GRID2: variants seen among roughly 807,000 people sequenced by gnomAD.
GRID2 encodes the protein glutamate receptor ionotropic, delta-2.
Under a neutral mutation model 114.8 loss-of-function variants are expected in GRID2, and 33 were observed. The ratio of observed to expected loss-of-function variants is 0.29; its 90% CI spans 0.22 to 0.38. The LOEUF (loss-of-function observed/expected upper bound fraction) is 0.38. Ranked by LOEUF, GRID2 falls within the 10% of genes least tolerant of loss-of-function variation. GRID2 has a pLI of 1.00. For synonymous variants in GRID2, 505 were observed against 449.9 expected, an observed-to-expected ratio of 1.12 and a Z score of -1.55; for missense variants, 1,184 against 1,257.7, an observed-to-expected ratio of 0.94 and a Z score of 0.89.
Position 93,455,871 on chromosome 4 carries a change from C to T in GRID2, c.1755C>T (p.Tyr585=). The change falls in exon 11 of 16, where the codon TAC becomes TAT. Residue 585 remains tyrosine, a synonymous_variant. Coordinates refer to ENST00000282020, the MANE Select transcript of GRID2 (RefSeq NM_001510.4). Reference sequence around the variant, plus strand: ...TCCTTCTGGTGGGTCTACTGGTCTACCTCTTGAACTGGCTTAATCCCCCAC... The same window carrying T: ...TCCTTCTGGTGGGTCTACTGGTCTATCTCTTGAACTGGCTTAATCCCCCAC... ...GTVLLVGLLV[Y]LLNWLNPPRL... The T allele has an allele frequency of 6.2e-7, 1 of 1,610,046 alleles. No homozygotes were observed. Among genetic ancestry groups the T allele is most frequent in the African/African-American group, 1.3e-5 (1 of 74,966 alleles).
chr4:93,622,585 G>T (rs1474725728), intron 13 of GRID2, among the ~76,000 whole-genome samples: 2 of 152,038 alleles, frequency 1.3e-5, no homozygotes. Context: ...CCTAAACTAG[G>T]GTCTAGGGTA....
In GRID2 at chr4:93,314,949, G is replaced by C. The variant is rs118169051; in HGVS notation, c.1245+76459G>C. Among the ~76,000 whole-genome samples, 151 of 152,124 alleles carry C rather than the reference G, an allele frequency of 9.9e-4. 2 individuals are homozygous for C. In the East Asian group the frequency reaches 0.02, roughly 20 times the overall value. On this transcript the variant is annotated intron_variant, in intron 8 of 15. Coordinates refer to ENST00000282020, the MANE Select transcript of GRID2 (RefSeq NM_001510.4). ...TTAACAATAGTCACTGTATTAGTCT[G>C]TTTTCTTGCTGCTATAAAAAACTTC...
At chr4:93,048,758 TCTATACTTTTTGTTAAAGGGAAAG>T (rs1490100717) in intron 2 of GRID2, among the ~76,000 whole-genome samples, 1 of 152,062 alleles carries the variant, frequency 6.6e-6, no homozygotes, top group East Asian at 1.9e-4. Context: ...AGACTTAGAC[TCTATACTTTTTGTTAAAGGGAAAG>T]ACAGTAGTTG....
rs113694253 is a variant in GRID2, at chr4:93,428,635, G to T, written c.1545+5667G>T. Among the ~76,000 whole-genome samples, 1,006 of 152,238 alleles carry T rather than the reference G, an allele frequency of 6.6e-3. 10 individuals are homozygous for T. Among genetic ancestry groups the T allele is most frequent in the African/African-American group, 0.023 (955 of 41,548 alleles). On this transcript the variant is annotated intron_variant, in intron 10 of 15. Transcript: ENST00000282020. ...TTTCTATTGTACTTGAATTACAATT[G>T]TGTGAGGGTGGGGCGGAATATAAAT...
At chr4:92,543,202 T>C (rs555609503) in intron 1 of GRID2, among the ~76,000 whole-genome samples, 14 of 152,206 alleles carry the variant, frequency 9.2e-5, no homozygotes, top group African/African-American at 2.6e-4. Context: ...CACACTACTA[T>C]GTTATTTCTG....
intron 3 of GRID2, among the ~76,000 whole-genome samples, chr4:93,100,064 A>G (rs1466734651): frequency 1.3e-5 from 2 of 151,982 alleles, no homozygotes; most frequent in Non-Finnish European, 2.9e-5. Flanking sequence ...TGCATCAATA[A>G]GCATATAATT....
chr4:92,352,370 T>A (rs1191070810), intron 1 of GRID2, among the ~76,000 whole-genome samples: 1 of 150,372 alleles, frequency 6.7e-6, no homozygotes, highest in East Asian at 2.0e-4. Flanking sequence ...TATTATTATA[T>A]TTTTTGCTAT....
At chr4:93,023,530 T>C (rs1723594519) in intron 2 of GRID2, among the ~76,000 whole-genome samples, 1 of 151,924 alleles carries the variant, frequency 6.6e-6, no homozygotes, top group Non-Finnish European at 1.5e-5. Flanking sequence ...AATAGTGTGG[T>C]ATTTTCTCAC....
At chr4:92,962,873 G>A (rs1243385416) in intron 2 of GRID2, among the ~76,000 whole-genome samples, 1 of 151,924 alleles carries the variant, frequency 6.6e-6, no homozygotes, top group Non-Finnish European at 1.5e-5. Context: ...GGTCCAGTAA[G>A]TTGCAATTCT....
chr4:93,246,790 A>G (rs1748262758), intron 8 of GRID2, among the ~76,000 whole-genome samples: 1 of 152,192 alleles, frequency 6.6e-6, no homozygotes. Flanking sequence ...GCAGTCTAAT[A>G]CTTTCTAACA....
At chr4:92,625,505 C>G (rs186272051) in intron 2 of GRID2, among the ~76,000 whole-genome samples, 1 of 151,784 alleles carries the variant, frequency 6.6e-6, no homozygotes, top group Admixed American at 6.6e-5. Context: ...AATAGTGTTT[C>G]GATTTATACT....
At chr4:92,411,928 A>G (rs907061012) in intron 1 of GRID2, among the ~76,000 whole-genome samples, 3 of 151,608 alleles carry the variant, frequency 2.0e-5, no homozygotes, top group African/African-American at 7.3e-5. Context: ...GATGGTCTCT[A>G]TCTCTTGACC....
chr4:93,744,157 G>A (rs574407292), intron 14 of GRID2, among the ~76,000 whole-genome samples: 4 of 152,244 alleles, frequency 2.6e-5, no homozygotes, highest in Non-Finnish European at 5.9e-5. Context: ...CAATGCACCT[G>A]GTCACCCACG....
At chr4:92,800,495 T>TTTC (rs1740100221) in intron 2 of GRID2, among the ~76,000 whole-genome samples, 1 of 151,876 alleles carries the variant, frequency 6.6e-6, no homozygotes, top group Admixed American at 6.6e-5. Context: ...AGCACATATA[T>TTTC]CAATATGGAA....
At chr4:92,629,190 C>G (rs62307952) in intron 2 of GRID2, among the ~76,000 whole-genome samples, 4 of 151,932 alleles carry the variant, frequency 2.6e-5, no homozygotes, top group African/African-American at 7.3e-5. Flanking sequence ...TGTACTTTAT[C>G]AACCCATTGA....
At chr4:92,738,478 C>T (rs1033701857) in intron 2 of GRID2, among the ~76,000 whole-genome samples, 12 of 151,824 alleles carry the variant, frequency 7.9e-5, no homozygotes, top group East Asian at 1.9e-4. Context: ...GGCTAGGTAA[C>T]GAATACATAT....
At chr4:93,628,354 A>C (rs1236939475) in intron 14 of GRID2, among the ~76,000 whole-genome samples, 1 of 152,146 alleles carries the variant, frequency 6.6e-6, no homozygotes. Flanking sequence ...ATATGTATAT[A>C]ATATCAGTAT....
chr4:93,063,635 C>T (rs1326796869), intron 2 of GRID2, among the ~76,000 whole-genome samples: 1 of 151,782 alleles, frequency 6.6e-6, no homozygotes, highest in Non-Finnish European at 1.5e-5. Context: ...GCATTTTCAT[C>T]TTTGGGACTA....
At chr4:93,369,521 G>A (rs1285167667) in intron 8 of GRID2, among the ~76,000 whole-genome samples, 1 of 152,126 alleles carries the variant, frequency 6.6e-6, no homozygotes, top group Non-Finnish European at 1.5e-5. Context: ...ACAGGGTCTT[G>A]CTCTGTTGTC....
Sources: allele counts gnomAD v4.1 joint callset (sites outside exome capture counted in the v4.1 genomes callset), GRCh38; gene constraint gnomAD v4.1.1; transcripts MANE v1.5; gene names NCBI Gene and HGNC (gene_info 2026-07-23, HGNC 2026-07-21).